Variants in WWOX observed in about 807,000 individuals in gnomAD.
WWOX encodes the protein WW domain-containing oxidoreductase.
WWOX carries 69 observed loss-of-function variants against 46.2 expected under a neutral mutation model. The observed-to-expected ratio is 1.49, with a 90% CI of 1.23 to 1.82. The LOEUF is 1.82. Ranked by LOEUF, WWOX falls within the 40% of genes most tolerant of loss-of-function variation. The probability of loss-of-function intolerance (pLI) is 0.00; values close to 1 mark genes in which losing one functional copy is unlikely to be tolerated. For synonymous variants in WWOX, 359 were observed against 202.6 expected (o/e 1.77, Z -6.56); for missense variants, 919 against 542.6 (o/e 1.69, Z -6.89).
intron 8 of WWOX, among the ~76,000 whole-genome samples, chr16:78,904,620 G>A (rs750361694): frequency 6.6e-6 from 1 of 152,122 alleles, no homozygotes; most frequent in Non-Finnish European, 1.5e-5. Flanking sequence ...AGGTGTTGGT[G>A]CTATGATTAC....
chr16:78,106,924 T>C (rs2032184237), intron 1 of WWOX, among the ~76,000 whole-genome samples: 1 of 152,328 alleles, frequency 6.6e-6, no homozygotes, highest in Non-Finnish European at 1.5e-5. Flanking sequence ...CATGGGCTGC[T>C]CAGGTCTTCA....
chr16:79,008,174 G>T (rs1322311102), intron 8 of WWOX, among the ~76,000 whole-genome samples: 1 of 152,068 alleles, frequency 6.6e-6, no homozygotes, highest in African/African-American at 2.4e-5. Context: ...TTGACTGAGG[G>T]CCCCTTGCAG....
At chr16:78,757,284 A>T in intron 8 of WWOX, among the ~76,000 whole-genome samples, 1 of 152,140 alleles carries the variant, frequency 6.6e-6, no homozygotes, top group East Asian at 1.9e-4. Context: ...ACTGTTCAGC[A>T]TTAGGTAAGA....
chr16:78,220,897 TC>T (rs2036866057), intron 5 of WWOX, among the ~76,000 whole-genome samples: 1 of 152,204 alleles, frequency 6.6e-6, no homozygotes, highest in Admixed American at 6.5e-5. Context: ...CATTCTAAAA[TC>T]AGGATTAAGG....
chr16:78,600,129 A>T (rs9922893), intron 8 of WWOX, among the ~76,000 whole-genome samples: 1 of 151,660 alleles, frequency 6.6e-6, no homozygotes, highest in Non-Finnish European at 1.5e-5. Context: ...TAAAACCATC[A>T]GATCTCGTGA....
chr16:78,917,892 A>C (rs1465915635), intron 8 of WWOX, among the ~76,000 whole-genome samples: 2 of 152,030 alleles, frequency 1.3e-5, no homozygotes, highest in African/African-American at 4.8e-5. Flanking sequence ...TTTTTAAAAC[A>C]AAAAAAAGTT....
rs16948183 is a variant in WWOX, at chr16:78,598,115, T to A, written c.1056+165363T>A. The stretch of plus-strand genomic sequence containing the variant: ...CAATGTGCTTTCAAAGACCAATGTT[T>A]AGGGAATCATGGATTTTCTACAAGC... On this transcript the variant is annotated intron_variant, in intron 8 of 8. Coordinates refer to ENST00000566780, the MANE Select transcript of WWOX (RefSeq NM_016373.4). 7.6e-3 allele frequency among the ~76,000 whole-genome samples: 1,153 copies of A among 152,288 alleles called. 11 individuals carry two copies. The highest frequency in any genetic ancestry group is 0.027 in the African/African-American group (1,114 of 41,554).
At chr16:78,623,482 C>A (rs1030128348) in intron 8 of WWOX, among the ~76,000 whole-genome samples, 1 of 152,098 alleles carries the variant, frequency 6.6e-6, no homozygotes, top group Non-Finnish European at 1.5e-5. Flanking sequence ...GAGTTCGAGA[C>A]CAGCCTGGGC....
chr16:78,383,129 C>T (rs2081990764), intron 5 of WWOX, among the ~76,000 whole-genome samples: 1 of 151,270 alleles, frequency 6.6e-6, no homozygotes, highest in Non-Finnish European at 1.5e-5. Flanking sequence ...ATGATCCAAT[C>T]ACCTCCCACC....
chr16:78,679,542 C>T (rs998181991), intron 8 of WWOX, among the ~76,000 whole-genome samples: 8 of 152,198 alleles, frequency 5.3e-5, no homozygotes, highest in Middle Eastern at 3.4e-3. Flanking sequence ...CAGAGTGAGA[C>T]TCCATCTCAA....
intron 5 of WWOX, among the ~76,000 whole-genome samples, chr16:78,181,852 T>A (rs776753394): frequency 2.6e-5 from 4 of 152,180 alleles, no homozygotes; most frequent in Non-Finnish European, 4.4e-5. Flanking sequence ...ATATTTTAGA[T>A]GTATAAGTGG....
intron 8 of WWOX, among the ~76,000 whole-genome samples, chr16:78,721,925 T>C (rs1423641264): frequency 6.6e-6 from 1 of 152,242 alleles, no homozygotes; most frequent in African/African-American, 2.4e-5. Flanking sequence ...AACCCAACTT[T>C]GTAAATGTGA....
At chr16:78,245,774 G>A (rs1343607751) in intron 5 of WWOX, among the ~76,000 whole-genome samples, 1 of 152,184 alleles carries the variant, frequency 6.6e-6, no homozygotes, top group Non-Finnish European at 1.5e-5. Context: ...AGTTCTTGCG[G>A]TACAGCGCAG....
chr16:78,640,949 A>AC (rs986336822), intron 8 of WWOX, among the ~76,000 whole-genome samples: 9 of 151,542 alleles, frequency 5.9e-5, no homozygotes, highest in Non-Finnish European at 1.0e-4. Flanking sequence ...CAAAAAAAAA[A>AC]AAAAGAAGAA....
intron 4 of WWOX, among the ~76,000 whole-genome samples, chr16:78,143,045 G>A (rs2034041147): frequency 1.3e-5 from 2 of 152,180 alleles, no homozygotes; most frequent in Admixed American, 1.3e-4. Flanking sequence ...AGGAGAGGCA[G>A]GATGTAGTTT....
intron 8 of WWOX, among the ~76,000 whole-genome samples, chr16:79,111,109 C>G (rs1348598115): frequency 1.3e-5 from 2 of 152,012 alleles, no homozygotes; most frequent in East Asian, 3.9e-4. Context: ...GGAGGGTGTC[C>G]CAAGACTCAA....
intron 5 of WWOX, among the ~76,000 whole-genome samples, chr16:78,170,211 T>G (rs1307512092): frequency 6.6e-6 from 1 of 152,196 alleles, no homozygotes; most frequent in Non-Finnish European, 1.5e-5. Flanking sequence ...CTATAAAACA[T>G]GCTGTATTAT....
At chr16:79,051,985 C>A (rs1035658224) in intron 8 of WWOX, among the ~76,000 whole-genome samples, 1 of 151,916 alleles carries the variant, frequency 6.6e-6, no homozygotes, top group African/African-American at 2.4e-5. Flanking sequence ...CAAGTTACTT[C>A]GTCCTTCCTT....
intron 8 of WWOX, among the ~76,000 whole-genome samples, chr16:79,167,104 C>G (rs1207697387): frequency 6.6e-6 from 1 of 152,064 alleles, no homozygotes; most frequent in South Asian, 2.1e-4. Context: ...CCACGGCCGG[C>G]TAATTTTTTT....
Sources: allele counts gnomAD v4.1 joint callset (sites outside exome capture counted in the v4.1 genomes callset), GRCh38; gene constraint gnomAD v4.1.1; transcripts MANE v1.5; gene names NCBI Gene and HGNC (gene_info 2026-07-23, HGNC 2026-07-21).